The following TENM3 variants were observed in gnomAD, a reference collection of about 807,000 sequenced individuals.
The protein encoded by TENM3 is teneurin transmembrane protein 3, also known as teneurin-3.
In TENM3, 63 loss-of-function variants were observed where a neutral mutation model predicts 255.1. The observed-to-expected ratio is 0.25, with a 90% CI of 0.20 to 0.30. The LOEUF (loss-of-function observed/expected upper bound fraction) is 0.30. Ranked by LOEUF, TENM3 falls within the 10% of genes least tolerant of loss-of-function variation. TENM3 has a pLI of 1.00. For synonymous variants in TENM3, 1,306 were observed against 1,322.3 expected (o/e 0.99, Z 0.27); for missense variants, 2,929 against 3,461.1 (o/e 0.85, Z 3.86).
intron 26 of TENM3, among the ~76,000 whole-genome samples, chr4:182,794,376 G>T (rs1766337058): frequency 6.6e-6 from 1 of 152,122 alleles, no homozygotes; most frequent in Admixed American, 6.5e-5. Context: ...GTCATGTTGG[G>T]TTTTTTTAAT....
At chr4:181,979,583 AAC>A in the TENM3 span, among the ~76,000 whole-genome samples, 1 of 152,090 alleles carries the variant, frequency 6.6e-6, no homozygotes, top group African/African-American at 2.4e-5. Flanking sequence ...CCACAGGGAG[AAC>A]ACTTGGCTTG....
chr4:182,780,211 C>G (rs1235688640), intron 24 of TENM3, among the ~76,000 whole-genome samples: 2 of 151,118 alleles, frequency 1.3e-5, no homozygotes, highest in African/African-American at 4.9e-5. Context: ...AGTCTTTAAT[C>G]CATCTTGAAT....
the TENM3 span, among the ~76,000 whole-genome samples, chr4:181,768,711 G>A: frequency 6.6e-6 from 1 of 151,604 alleles, no homozygotes; most frequent in Non-Finnish European, 1.5e-5. Context: ...TTATTATATT[G>A]GCTACATTCC....
At chr4:181,513,559 C>T in the TENM3 span, among the ~76,000 whole-genome samples, 1 of 152,060 alleles carries the variant, frequency 6.6e-6, no homozygotes, top group South Asian at 2.1e-4. Flanking sequence ...GGAAATAGTC[C>T]CAACAAGCTT....
Position 182,177,958 on chromosome 4 carries a change from GTT to G in TENM3, c.-76+33220_-76+33221del, listed in dbSNP as rs56256529. Among the ~76,000 whole-genome samples, 65 of 117,126 alleles carry G rather than the reference GTT, an allele frequency of 5.5e-4. 1 individual carries two copies. The highest frequency in any genetic ancestry group is 1.7e-3 in the African/African-American group (56 of 32,498). The allele number at this position is 117,126 out of a possible 152,430, so 76.8% of individuals were successfully genotyped here. A position where few individuals can be genotyped will look rare whatever the true frequency, so the allele number is the denominator to read the frequency against. On this transcript the variant is annotated intron_variant, in intron 1 of 2. Coordinates refer to the TENM3 transcript ENST00000512480. ...CAATATTTTATATGTTTTGGTTTTT[GTT>G]TTTTTTTTTTTTTTTGCTTTAAGAG...
chr4:182,405,623 C>T (rs1002405460), intron 3 of TENM3, among the ~76,000 whole-genome samples: 2 of 152,198 alleles, frequency 1.3e-5, no homozygotes, highest in Non-Finnish European at 2.9e-5. Context: ...GTCCTAGGTA[C>T]TGGGGATATC....
chr4:182,624,350 G>A (rs1397819753), intron 4 of TENM3, among the ~76,000 whole-genome samples: 2 of 152,196 alleles, frequency 1.3e-5, no homozygotes, highest in Non-Finnish European at 2.9e-5. Context: ...CGTTGGCCAT[G>A]GGCCTGCAAA....
chr4:182,679,798 G>C lies in TENM3; in HGVS notation c.1459G>C (p.Asp487His). The C allele has an allele frequency of 6.2e-7, 1 of 1,613,970 alleles. No homozygotes were observed. Among genetic ancestry groups the C allele is most frequent in the Non-Finnish European group, 8.5e-7 (1 of 1,179,874 alleles). ...TGAGGCCGGCTTTATCCAGTACTTG[G>C]ATTCTGGAATCTGGCATCTGGCTTT... ...LHEAGFIQYL[D>H]SGIWHLAFYN... The change falls in exon 8 of 28, where the codon GAT becomes CAT. Residue 487 changes from aspartate to histidine, a missense_variant. By Grantham distance (81) the Asp-to-His change is moderately conservative. Coordinates refer to ENST00000511685, the MANE Select transcript of TENM3 (RefSeq NM_001080477.4).
At chr4:182,743,718 T>G (rs1162404177) in intron 19 of TENM3, among the ~76,000 whole-genome samples, 1 of 152,196 alleles carries the variant, frequency 6.6e-6, no homozygotes, top group Admixed American at 6.5e-5. Context: ...TTCGCTTTCT[T>G]TAGAATAACC....
chr4:181,752,164 C>T, the TENM3 span, among the ~76,000 whole-genome samples: 1 of 152,200 alleles, frequency 6.6e-6, no homozygotes, highest in South Asian at 2.1e-4. Context: ...CTACGGTTCT[C>T]TCCAGCACCC....
intron 3 of TENM3, among the ~76,000 whole-genome samples, chr4:182,399,717 C>T (rs1413169950): frequency 6.6e-6 from 1 of 152,156 alleles, no homozygotes; most frequent in Non-Finnish European, 1.5e-5. Flanking sequence ...GAAAAACATA[C>T]CCCAAACTGC....
At chr4:181,700,340 G>C in the TENM3 span, among the ~76,000 whole-genome samples, 2 of 151,346 alleles carry the variant, frequency 1.3e-5, no homozygotes, top group Admixed American at 1.3e-4. Flanking sequence ...TTTTAATCAA[G>C]TTAAAAAGAA....
the TENM3 span, among the ~76,000 whole-genome samples, chr4:181,544,874 A>T: frequency 6.6e-6 from 1 of 152,230 alleles, no homozygotes; most frequent in East Asian, 1.9e-4. Context: ...ATAGAGAGGG[A>T]ATTAGAGCTG....
chr4:182,648,462 G>A (rs867401072), intron 5 of TENM3, among the ~76,000 whole-genome samples: 1 of 151,940 alleles, frequency 6.6e-6, no homozygotes, highest in South Asian at 2.1e-4. Flanking sequence ...TTTTGTTTTA[G>A]TAGAGACTGG....
chr4:181,668,633 A>G, the TENM3 span, among the ~76,000 whole-genome samples: 1 of 152,106 alleles, frequency 6.6e-6, no homozygotes, highest in Non-Finnish European at 1.5e-5. Context: ...GGAATGTTGT[A>G]CTAGGGACCC....
chr4:182,323,166 AG>A (rs371549450), intron 1 of TENM3, among the ~76,000 whole-genome samples: 36 of 152,132 alleles, frequency 2.4e-4, no homozygotes, highest in African/African-American at 8.2e-4. Flanking sequence ...GGAAATAGAG[AG>A]TTTTTAAGCA....
At chr4:182,620,546 T>C (rs936356620) in intron 4 of TENM3, among the ~76,000 whole-genome samples, 1 of 152,232 alleles carries the variant, frequency 6.6e-6, no homozygotes, top group African/African-American at 2.4e-5. Context: ...TTTACATGTA[T>C]ATTTTCACAT....
At chr4:181,523,371 A>G in the TENM3 span, among the ~76,000 whole-genome samples, 27 of 152,064 alleles carry the variant, frequency 1.8e-4, no homozygotes, top group African/African-American at 6.3e-4. Context: ...ACTTGAGTCT[A>G]TTTCATGCAA....
chr4:182,793,939 TACACAAAATAA>T lies in TENM3; in HGVS notation c.7213+55_7213+65del. 6.9e-7 allele frequency: 1 copy of T among 1,450,778 alleles called. No homozygotes were observed. The allele number at this position is 1,450,778 out of a possible 1,614,324, so 89.9% of individuals were successfully genotyped here. On this transcript the variant is annotated intron_variant, in intron 26 of 27. Transcript: ENST00000511685. This position sits in a 1 kb window ranked among gnomAD's most constrained non-coding sequence, Gnocchi z 5.7. ...TGGAGGACTACCATCATTAGATTAATACACAAAATAACTGGAAATGCTTTTTTAAAAAACTT... is the reference window on the plus strand; with the variant it reads ...TGGAGGACTACCATCATTAGATTAATCTGGAAATGCTTTTTTAAAAAACTT...
Sources: gnomAD v4.1 joint callset for allele counts (sites outside exome capture counted in the v4.1 genomes callset) on GRCh38, gnomAD v4.1.1 for gene constraint, Gnocchi (gnomAD v3.1) non-coding constraint, MANE v1.5 for transcripts, NCBI Gene and HGNC (gene_info 2026-07-23, HGNC 2026-07-21) for gene names.